The following TLR8 variants were observed in gnomAD, a reference collection of about 807,000 sequenced individuals.
TLR8 encodes toll-like receptor 8.
Under a neutral mutation model 18.5 loss-of-function variants are expected in TLR8, and 5 were observed. The observed-to-expected ratio is 0.27, with a 90% CI of 0.14 to 0.57. The LOEUF is 0.57. TLR8 is among the 20% of genes least tolerant of loss of function. TLR8 has a pLI of 0.92. For synonymous variants in TLR8, 299 were observed against 300.1 expected, an observed-to-expected ratio of 1.00 and a Z score of 0.04; for missense variants, 543 against 769.8, an observed-to-expected ratio of 0.71 and a Z score of 3.49.
chrX:12,906,624 T>G lies in TLR8; in HGVS notation c.-83T>G. 1.1e-6 allele frequency: 1 copy of G among 894,190 alleles called. No homozygotes were observed. Among genetic ancestry groups the G allele is most frequent in the Non-Finnish European group, 1.5e-6 (1 of 681,818 alleles). The allele number at this position is 894,190 out of a possible 1,213,427, so 73.7% of individuals were successfully genotyped here. A position where few individuals can be genotyped will look rare whatever the true frequency, so the allele number is the denominator to read the frequency against. On this transcript the variant is annotated 5_prime_UTR_variant, in exon 1 of 2. Coordinates refer to ENST00000218032, the MANE Select transcript of TLR8 (RefSeq NM_138636.5). ...AGCCATTTCAGGAAGTTAGCCAGTT[T>G]CTCTTCTCGGCCACCTCCTGCATAG... is the stretch of plus-strand genomic sequence containing the variant.
At chrX:12,910,642 G>A (rs757085655) in intron 1 of TLR8, among the ~76,000 whole-genome samples, 2 of 112,224 alleles carry the variant, frequency 1.8e-5, no homozygotes, top group East Asian at 5.6e-4. Context: ...AACTCCCAGC[G>A]AATGAGTTTT....
rs1320853494 is a variant in TLR8 at position 12,922,187 on chromosome X, C to T, written c.*21C>T. 39 of 1,166,641 alleles carry T rather than the reference C, an allele frequency of 3.3e-5. No individual in the cohort carries two copies. Among genetic ancestry groups the T allele is most frequent in the Non-Finnish European group, 4.4e-5 (38 of 873,452 alleles). On this transcript the variant is annotated 3_prime_UTR_variant, in exon 2 of 2. Coordinates refer to ENST00000218032, the MANE Select transcript of TLR8 (RefSeq NM_138636.5). ...ACTAACTGACGTTAAGTCATGATTT[C>T]GCGCCATAATAAAGATGCAAAGGAA...
Position 12,920,148 on chromosome X carries a change from C to A in TLR8, c.1108C>A (p.Arg370=). 5.0e-6 allele frequency: 6 copies of A among 1,211,015 alleles called. No individual in the cohort carries two copies. The highest frequency in any genetic ancestry group is 6.7e-6 in the Non-Finnish European group (6 of 895,115). Residue 370 remains arginine, a synonymous_variant, in exon 2 of 2, where the codon CGG becomes AGG. Coordinates refer to ENST00000218032, the MANE Select transcript of TLR8 (RefSeq NM_138636.5). The part of the protein sequence containing the change: ...SRNFSKLLSL[R]ALHLRGYVFQ... The stretch of plus-strand genomic sequence containing the variant: ...AAACTTCTCTAAACTTTTGTCTCTA[C>A]GGGCATTGCATTTAAGAGGTTATGT...
chrX:12,916,915 G>T (rs936684081), intron 1 of TLR8, among the ~76,000 whole-genome samples: 1 of 111,289 alleles, frequency 9.0e-6, no homozygotes, highest in Admixed American at 9.6e-5. Context: ...CTAGCTGCCT[G>T]CAGAGAGCCA....
chrX:12,909,349 A>G (rs1203350399), intron 1 of TLR8, among the ~76,000 whole-genome samples: 2 of 112,004 alleles, frequency 1.8e-5, no homozygotes, highest in East Asian at 5.5e-4. Context: ...GTGGCCCAAG[A>G]CAATTCTTCT....
In TLR8 at chrX:12,919,388, C is replaced by G; in HGVS notation, c.348C>G (p.Ile116Met). Residue 116 changes from isoleucine to methionine, a missense_variant, in exon 2 of 2, where the codon ATC becomes ATG. Physicochemically the swap from Ile to Met is conservative, Grantham distance 10. Around this residue, in one of 4 missense-constraint regions of TLR8, gnomAD observed 117 missense variants for 111.0 expected, o/e 1.05. Transcript: ENST00000218032. ...GTATACAATCAAATGGCTTGAATATCACAGACGGGGCATTCCTCAACCTAA... is the reference window on the plus strand; with the variant it reads ...GTATACAATCAAATGGCTTGAATATGACAGACGGGGCATTCCTCAACCTAA... ...NPGIQSNGLN[I>M]TDGAFLNLKN... is the part of the protein sequence containing the mutation. 8.3e-7 allele frequency: 1 copy of G among 1,211,617 alleles called. No homozygotes were observed. Among genetic ancestry groups the G allele is most frequent in the Non-Finnish European group, 1.1e-6 (1 of 895,452 alleles).
chrX:12,913,233 G>A (rs916425189), intron 1 of TLR8, among the ~76,000 whole-genome samples: 2 of 111,965 alleles, frequency 1.8e-5, no homozygotes, highest in Non-Finnish European at 3.8e-5. Flanking sequence ...CATATGATAT[G>A]GCTAGAATGG....
intron 1 of TLR8, among the ~76,000 whole-genome samples, chrX:12,913,572 C>T (rs1365733323): frequency 8.9e-6 from 1 of 112,480 alleles, no homozygotes; most frequent in Non-Finnish European, 1.9e-5. Flanking sequence ...AACATAATAT[C>T]GTTTATTTAC....
At chrX:12,916,887 G>A (rs1004823348) in intron 1 of TLR8, among the ~76,000 whole-genome samples, 13 of 110,508 alleles carry the variant, frequency 1.2e-4, no homozygotes, top group African/African-American at 3.0e-4. Flanking sequence ...CCACCACCCC[G>A]AAAACCTCAT....
intron 1 of TLR8, among the ~76,000 whole-genome samples, chrX:12,912,880 C>T (rs530132108): frequency 1.8e-5 from 2 of 112,051 alleles, no homozygotes; most frequent in African/African-American, 6.5e-5. Flanking sequence ...TAGAGGATTT[C>T]CCCCTCAATT....
In TLR8 at chrX:12,922,317, TC is replaced by T; in HGVS notation, c.*153del. On this transcript the variant is annotated 3_prime_UTR_variant, in exon 2 of 2. Coordinates refer to ENST00000218032, the MANE Select transcript of TLR8 (RefSeq NM_138636.5). Reference sequence around the variant, plus strand: ...GCCCACAGTTTTTGAGGGTCAGGAGTCCAGGCCCAGCATAACTGGGTCCTCT... The same window carrying T: ...GCCCACAGTTTTTGAGGGTCAGGAGTCAGGCCCAGCATAACTGGGTCCTCT... The T allele has an allele frequency of 1.4e-6, 1 of 721,587 alleles. No individual in the cohort carries two copies. Among genetic ancestry groups the T allele is most frequent in the Non-Finnish European group, 2.0e-6 (1 of 503,743 alleles). The allele number at this position is 721,587 out of a possible 1,213,427, so 59.5% of individuals were successfully genotyped here.
In TLR8 at chrX:12,921,127, G is replaced by A. The variant is rs368213008; in HGVS notation, c.2087G>A (p.Arg696His). ...QFPRLELLDL[R>H]GNKLLFLTDS... ...CCTCGTCTCGAGTTGCTTGACTTAC[G>A]TGGAAACAAACTACTCTTTTTAACT... Residue 696 changes from arginine to histidine, a missense_variant, in exon 2 of 2, where the codon CGT becomes CAT. Arg to His is a conservative substitution (Grantham distance 29). Transcript: ENST00000218032. 162 of 1,209,809 alleles carry A rather than the reference G, an allele frequency of 1.3e-4. No individual in the cohort carries two copies. The Middle Eastern group carries it at 1.4e-3, about 10-fold the overall frequency.
At chrX:12,916,016 G>C (rs887226328) in intron 1 of TLR8, among the ~76,000 whole-genome samples, 6 of 110,580 alleles carry the variant, frequency 5.4e-5, no homozygotes, top group Non-Finnish European at 3.8e-5. Flanking sequence ...TGAGTAGCTG[G>C]GATTATAGTC....
At chrX:12,912,257 A>G (rs1307472520) in intron 1 of TLR8, among the ~76,000 whole-genome samples, 1 of 112,765 alleles carries the variant, frequency 8.9e-6, no homozygotes, top group African/African-American at 3.2e-5. Flanking sequence ...GTGACTTCTC[A>G]TTAGTATCCT....
In TLR8 at chrX:12,920,044, T is replaced by C; in HGVS notation, c.1004T>C (p.Met335Thr). Reference sequence around the variant, plus strand: ...ATAGCCTCTGGGGCATTTTTAACGATGCTGCCCCGCTTAGAAATACTTGAC... The same window carrying C: ...ATAGCCTCTGGGGCATTTTTAACGACGCTGCCCCGCTTAGAAATACTTGAC... ...GEIASGAFLT[M>T]LPRLEILDLS... is the part of the protein sequence containing the mutation. The change falls in exon 2 of 2, where the codon ATG (methionine) becomes ACG (threonine). Residue 335 changes from methionine (M) to threonine (T), a missense_variant. Physicochemically the swap from Met to Thr is moderately conservative, Grantham distance 81 (BLOSUM62 -1). Coordinates refer to ENST00000218032, the MANE Select transcript of TLR8 (RefSeq NM_138636.5). 2 of 1,211,311 alleles carry C rather than the reference T, an allele frequency of 1.7e-6. No homozygotes were observed. Among genetic ancestry groups the C allele is most frequent in the Non-Finnish European group, 2.2e-6 (2 of 895,131 alleles).
rs1379068268 is a variant in TLR8 at position 12,906,715 on chromosome X, C to A, written c.3+6C>A. 1.8e-6 allele frequency: 2 copies of A among 1,109,420 alleles called. No homozygotes were observed. The highest frequency in any genetic ancestry group is 2.4e-6 in the Non-Finnish European group (2 of 850,225). 91.4% of individuals were successfully genotyped at this position (1,109,420 alleles called of 1,213,427 possible). On this transcript the variant is annotated splice_donor_region_variant and intron_variant, in intron 1 of 1. Coordinates refer to ENST00000218032, the MANE Select transcript of TLR8 (RefSeq NM_138636.5). Reference sequence around the variant, plus strand: ...ATTAGAACAACAGAAACATGGTAAGCCACTTCTATTTCTTTAGCAAAGCTT... The same window carrying A: ...ATTAGAACAACAGAAACATGGTAAGACACTTCTATTTCTTTAGCAAAGCTT...
rs1029540168 is a variant in TLR8 at position 12,918,967 on chromosome X, C to T, written c.4-77C>T. ...CAAAATTCATACAAGTATGGGGCAG[C>T]GCTGCTAATTTATTTACAAAACACC... On this transcript the variant is annotated intron_variant, in intron 1 of 1. Coordinates refer to ENST00000218032, the MANE Select transcript of TLR8 (RefSeq NM_138636.5). 7.6e-5 allele frequency: 80 copies of T among 1,048,476 alleles called. 2 individuals carry two copies. In the Middle Eastern group the frequency reaches 1.3e-3, roughly 17 times the overall value. The allele number at this position is 1,048,476 out of a possible 1,213,427, so 86.4% of individuals were successfully genotyped here.
rs1165813529 is a variant in TLR8 at position 12,912,049 on chromosome X, T to C, written c.3+5340T>C. Among the ~76,000 whole-genome samples, 10 of 111,509 alleles carry C rather than the reference T, an allele frequency of 9.0e-5. No individual in the cohort carries two copies. The East Asian group carries it at 2.8e-3, about 31-fold the overall frequency. On this transcript the variant is annotated intron_variant, in intron 1 of 1. Coordinates refer to ENST00000218032, the MANE Select transcript of TLR8 (RefSeq NM_138636.5). The stretch of plus-strand genomic sequence containing the variant: ...GTTAGGTTCAACCAACAGAAGTTGG[T>C]TGTGCTCTCTCACTCTTTCTTTCTC...
chrX:12,913,412 G>A (rs2043033939), intron 1 of TLR8, among the ~76,000 whole-genome samples: 1 of 111,987 alleles, frequency 8.9e-6, no homozygotes, highest in African/African-American at 3.2e-5. Flanking sequence ...TTTCAAAATG[G>A]GCAAGTATTT....
Sources: gnomAD v4.1 joint callset for allele counts (sites outside exome capture counted in the v4.1 genomes callset) on GRCh38, gnomAD v4.1.1 for gene constraint, gnomAD v4.1.1 regional missense constraint, MANE v1.5 for transcripts, NCBI Gene and HGNC (gene_info 2026-07-23, HGNC 2026-07-21) for gene names.